Variants in CFAP58 observed in about 807,000 individuals in gnomAD.
CFAP58 encodes the protein cilia and flagella associated protein 58, also known as cilia- and flagella-associated protein 58.
Under a neutral mutation model 119.5 loss-of-function variants are expected in CFAP58, and 88 were observed. The ratio of observed to expected loss-of-function variants is 0.74; its 90% CI spans 0.62 to 0.88. CFAP58 has a LOEUF of 0.88. CFAP58 is among the 40% of genes least tolerant of loss of function. The probability of loss-of-function intolerance (pLI) is 0.00; values close to 1 mark genes in which losing one functional copy is unlikely to be tolerated. For synonymous variants in CFAP58, 365 were observed against 366.3 expected (o/e 1.00, Z 0.04); for missense variants, 990 against 1,021.2 (o/e 0.97, Z 0.42).
At chr10:104,338,599 T>G in the CFAP58 span, among the ~76,000 whole-genome samples, 35 of 152,298 alleles carry the variant, frequency 2.3e-4, no homozygotes, top group Middle Eastern at 0.031. Flanking sequence ...ACCTTCCCAG[T>G]GAGCCCCCAG....
chr10:104,393,592 C>G, intron 11 of CFAP58, 117 bp downstream of exon 11: 1 of 962,994 alleles, frequency 1.0e-6, no homozygotes, highest in Non-Finnish European at 1.5e-6. Flanking sequence ...CCTGTGGTCA[C>G]AGTTGCTAGT....
intron 15 of CFAP58, 120 bp downstream of exon 15, chr10:104,406,913 A>G: frequency 1.4e-6 from 1 of 701,936 alleles, no homozygotes; most frequent in Admixed American, 2.6e-5. Context: ...TGTAGATGGC[A>G]ACAGTGACTT....
intron 15 of CFAP58, among the ~76,000 whole-genome samples, chr10:104,411,093 C>T (rs941830925): frequency 1.3e-5 from 2 of 152,110 alleles, no homozygotes; most frequent in Non-Finnish European, 2.9e-5. Flanking sequence ...GCATCCACCA[C>T]AACGCCCAGC....
At chr10:104,357,972 TATGTACATATGTACAC>T (rs2014604369) in intron 1 of CFAP58, among the ~76,000 whole-genome samples, 3 of 139,064 alleles carry the variant, frequency 2.2e-5, no homozygotes, top group African/African-American at 9.4e-5. Context: ...TATGTACACA[TATGTACATATGTACAC>T]ATATATGTAC....
At chr10:104,369,342 A>G (rs1397684415) in intron 6 of CFAP58, among the ~76,000 whole-genome samples, 4 of 152,214 alleles carry the variant, frequency 2.6e-5, no homozygotes. Flanking sequence ...CATATCTTAC[A>G]TCTTGTGTTG....
At position 104,365,836 on chromosome 10, in the gene CFAP58, G is replaced by A. The variant is rs142187025; in HGVS notation, c.620G>A (p.Arg207His). 974 of 1,611,670 alleles carry A rather than the reference G, an allele frequency of 6.0e-4. 21 individuals are homozygous for A. The East Asian group carries it at 0.021, about 35-fold the overall frequency. ...TAGTTCCAACAAGAAATCCAGCAAC[G>A]TCAGAACGAAGCTTCCCGGGAGTTC... is the stretch of plus-strand genomic sequence containing the variant. ...ISQFQQEIQQ[R>H]QNEASREFRK... The change falls in exon 5 of 18, where the codon CGT (arginine) becomes CAT (histidine). Residue 207 changes from arginine (R) to histidine (H), a missense_variant. Arg to His is a conservative substitution (Grantham distance 29). Coordinates refer to ENST00000369704, the MANE Select transcript of CFAP58 (RefSeq NM_001008723.2).
In CFAP58 at chr10:104,365,905, C is replaced by T. The variant is rs2014738787; in HGVS notation, c.689C>T (p.Ala230Val). 2.5e-6 allele frequency: 4 copies of T among 1,613,484 alleles called. No individual in the cohort carries two copies. The South Asian group carries it at 3.3e-5, about 13-fold the overall frequency. ...KLEKELKQIQ[A>V]DMDSRQTEIK... is the part of the protein sequence containing the mutation. ...GAGAAAGAGCTCAAGCAGATTCAGGCAGACATGGACAGCAGGCAGACAGAA... is the reference window on the plus strand; with the variant it reads ...GAGAAAGAGCTCAAGCAGATTCAGGTAGACATGGACAGCAGGCAGACAGAA... The change falls in exon 5 of 18, where the codon GCA becomes GTA. Residue 230 changes from alanine to valine, a missense_variant. Transcript: ENST00000369704.
At chr10:104,435,914 C>T (rs936299072) in intron 15 of CFAP58, among the ~76,000 whole-genome samples, 3 of 152,176 alleles carry the variant, frequency 2.0e-5, no homozygotes, top group Admixed American at 2.0e-4. Context: ...CCTGCTCCTT[C>T]CCTGGCATGG....
At chr10:104,438,796 T>C (rs778695032) in intron 15 of CFAP58, among the ~76,000 whole-genome samples, 1 of 152,190 alleles carries the variant, frequency 6.6e-6, no homozygotes, top group African/African-American at 2.4e-5. Flanking sequence ...CTAGAAAGAC[T>C]TGGACTTGTG....
At chr10:104,381,275 GAT>G (rs1219904383) in intron 9 of CFAP58, among the ~76,000 whole-genome samples, 1 of 152,198 alleles carries the variant, frequency 6.6e-6, no homozygotes, top group African/African-American at 2.4e-5. Flanking sequence ...AAGGCTCGAG[GAT>G]ATATGTCTCC....
At chr10:104,419,730 A>T (rs2012624910) in intron 15 of CFAP58, among the ~76,000 whole-genome samples, 1 of 152,180 alleles carries the variant, frequency 6.6e-6, no homozygotes, top group Non-Finnish European at 1.5e-5. Context: ...AGACAGGGAT[A>T]ATCATGCCTA....
chr10:104,392,650 T>C (rs1389814110), intron 10 of CFAP58, among the ~76,000 whole-genome samples: 3 of 149,936 alleles, frequency 2.0e-5, no homozygotes, highest in Non-Finnish European at 4.5e-5. Flanking sequence ...TTTTTTTTTT[T>C]TTTTTTTTGA....
At chr10:104,417,864 G>T (rs906082156) in intron 15 of CFAP58, among the ~76,000 whole-genome samples, 1 of 152,206 alleles carries the variant, frequency 6.6e-6, no homozygotes, top group Admixed American at 6.5e-5. Flanking sequence ...AACAAAGCTT[G>T]CCCAAGAGCT....
At chr10:104,404,552 T>C (rs557843686) in intron 14 of CFAP58, among the ~76,000 whole-genome samples, 1 of 152,292 alleles carries the variant, frequency 6.6e-6, no homozygotes, top group East Asian at 1.9e-4. Flanking sequence ...AAGTATGTCA[T>C]ATAAGATAAA....
At chr10:104,429,989 G>A (rs1456113235) in intron 15 of CFAP58, among the ~76,000 whole-genome samples, 1 of 152,082 alleles carries the variant, frequency 6.6e-6, no homozygotes, top group Non-Finnish European at 1.5e-5. Context: ...CATTCCCTTG[G>A]CTTTTCAGGT....
chr10:104,391,091 A>G (rs2133029692), intron 9 of CFAP58, among the ~76,000 whole-genome samples: 1 of 152,284 alleles, frequency 6.6e-6, no homozygotes, highest in East Asian at 1.9e-4. Flanking sequence ...CTGGGATGGC[A>G]ATTCTGCAAG....
intron 14 of CFAP58, 138 bp from the exon 15 acceptor site, chr10:104,406,551 T>C: frequency 3.2e-6 from 2 of 619,730 alleles, no homozygotes; most frequent in South Asian, 2.4e-5. Context: ...TTATACTTTA[T>C]TTTTGGTTCT....
chr10:104,443,076 C>A (rs1472956597), intron 15 of CFAP58, among the ~76,000 whole-genome samples: 1 of 151,938 alleles, frequency 6.6e-6, no homozygotes, highest in Non-Finnish European at 1.5e-5. Context: ...ACAGCAGGTG[C>A]GAGTTATATA....
intron 15 of CFAP58, among the ~76,000 whole-genome samples, chr10:104,433,486 G>A (rs1351231393): frequency 5.3e-5 from 8 of 152,208 alleles, no homozygotes; most frequent in Admixed American, 2.0e-4. Flanking sequence ...TAGGGGAAGG[G>A]CATTCTGCAA....
Sources: gnomAD v4.1 joint callset for allele counts (sites outside exome capture counted in the v4.1 genomes callset) on GRCh38, gnomAD v4.1.1 for gene constraint, MANE v1.5 for transcripts, NCBI Gene and HGNC (gene_info 2026-07-23, HGNC 2026-07-21) for gene names.